The following FKBP3 variants were observed in gnomAD, a reference collection of about 807,000 sequenced individuals.
FKBP3 encodes peptidyl-prolyl cis-trans isomerase FKBP3.
FKBP3 carries 21 observed loss-of-function variants against 30.6 expected under a neutral mutation model. The ratio of observed to expected loss-of-function variants is 0.69; its 90% CI spans 0.49 to 0.99. FKBP3 has a LOEUF of 0.99. FKBP3 is among the 50% of genes least tolerant of loss of function. The pLI is 0.00. For missense variants in FKBP3, 283 were observed against 261.6 expected, an observed-to-expected ratio of 1.08 and a Z score of -0.56; for synonymous variants, 82 against 91.3, an observed-to-expected ratio of 0.90 and a Z score of 0.58.
chr14:45,121,677 A>G, intron 3 of FKBP3, 57 bp from the exon 4 acceptor site: 2 of 1,565,162 alleles, frequency 1.3e-6, no homozygotes, highest in Non-Finnish European at 1.7e-6. Context: ...CCTTTAAAAG[A>G]ATGACAAACA....
chr14:45,121,083 T>C, intron 4 of FKBP3, 129 bp from the exon 5 acceptor site: 1 of 765,428 alleles, frequency 1.3e-6, no homozygotes, highest in Non-Finnish European at 2.1e-6. Flanking sequence ...TACTATGTAT[T>C]TTAAAAGAAG....
chr14:45,120,953 A>G lies in FKBP3; in HGVS notation c.456T>C (p.Ser152=). The change falls in exon 5 of 7, where the codon AGT becomes AGC. Residue 152 remains serine (S), a splice_region_variant and synonymous_variant. Transcript: ENST00000396062. ...GTVFDTNIQT[S]AKKKKNAKPL... ...GCTTGGCATTTTTCTTCTTCTTTGC[A>G]CCTGTAAAACAGATTTTCCTTATCA... 6.2e-7 allele frequency: 1 copy of G among 1,611,968 alleles called. No individual in the cohort carries two copies. Among genetic ancestry groups the G allele is most frequent in the Non-Finnish European group, 8.5e-7 (1 of 1,178,866 alleles).
At position 45,134,393 on chromosome 14, in the gene FKBP3, TG is replaced by T; in HGVS notation, c.63del (p.Lys22ArgfsTer23). Reference protein sequence around the residue: ...TVEQLRSEQLPKKDIIKFLQE... With the variant: ...TVEQLRSEQLXKKDIIKFLQE... ...TGCAGAAACTTGATAATGTCCTTCTTGGGCAGCTGCTCACTGCGCAGCTGCT... is the reference window on the plus strand; with the variant it reads ...TGCAGAAACTTGATAATGTCCTTCTTGGCAGCTGCTCACTGCGCAGCTGCT... On this transcript the variant is annotated frameshift_variant, in exon 1 of 7. Coordinates refer to ENST00000396062, the MANE Select transcript of FKBP3 (RefSeq NM_002013.4). LOFTEE classifies it high-confidence loss of function. 1 of 1,613,908 alleles carries T rather than the reference TG, an allele frequency of 6.2e-7. No individual in the cohort carries two copies.
intron 3 of FKBP3, among the ~76,000 whole-genome samples, chr14:45,126,895 A>G (rs1333616090): frequency 6.6e-6 from 1 of 151,926 alleles, no homozygotes; most frequent in Non-Finnish European, 1.5e-5. Context: ...GGCTCCCTGC[A>G]ACCTCTGCCT....
At chr14:45,120,062 TTGTC>T (rs1884950401) in intron 5 of FKBP3, among the ~76,000 whole-genome samples, 2 of 152,180 alleles carry the variant, frequency 1.3e-5, no homozygotes, top group African/African-American at 2.4e-5. Context: ...CTGTATATGA[TTGTC>T]TGAACCATAT....
intron 5 of FKBP3, 152 bp from the exon 6 acceptor site, chr14:45,118,277 C>A: frequency 2.0e-6 from 1 of 511,646 alleles, no homozygotes; most frequent in Non-Finnish European, 3.4e-6. Context: ...TCAGTGAGTC[C>A]CTAAATCTTT....
intron 3 of FKBP3, among the ~76,000 whole-genome samples, chr14:45,128,437 G>A (rs546432562): frequency 6.6e-6 from 1 of 152,206 alleles, no homozygotes; most frequent in Non-Finnish European, 1.5e-5. Context: ...ATGGAGAACT[G>A]GGCAAAGGAT....
chr14:45,132,878 CTG>C (rs1342645054), intron 1 of FKBP3, among the ~76,000 whole-genome samples: 1 of 152,140 alleles, frequency 6.6e-6, no homozygotes, highest in Non-Finnish European at 1.5e-5. Context: ...AAGTACATGA[CTG>C]AGGTATTATT....
rs558740047 is a variant in FKBP3, at chr14:45,124,354, A to T, written c.319-2734T>A. ...GGGACCAACCTGGCCAACATGGTGA[A>T]ACCCTCATCTCTACTAAAAATACAA... On this transcript the variant is annotated intron_variant, in intron 3 of 6. Coordinates refer to ENST00000396062, the MANE Select transcript of FKBP3 (RefSeq NM_002013.4). 4.6e-5 allele frequency among the ~76,000 whole-genome samples: 7 copies of T among 152,206 alleles called. 1 individual carries two copies. The South Asian group carries it at 1.5e-3, about 32-fold the overall frequency.
chr14:45,118,256 G>A lies in FKBP3; in HGVS notation c.523-131C>T. The A allele has an allele frequency of 5.4e-6, 3 of 558,958 alleles. 1 individual carries two copies. In the South Asian group the frequency reaches 7.4e-5, roughly 14 times the overall value. 34.6% of individuals were successfully genotyped at this position (558,958 alleles called of 1,614,324 possible). A position where few individuals can be genotyped will look rare whatever the true frequency, so the allele number is the denominator to read the frequency against. On this transcript the variant is annotated intron_variant, in intron 5 of 6. Coordinates refer to ENST00000396062, the MANE Select transcript of FKBP3 (RefSeq NM_002013.4). Reference sequence around the variant, plus strand: ...TACTATAGATTTCACTATATTCTAAGATAATGTACTTCAGTGAGTCCCTAA... The same window carrying A: ...TACTATAGATTTCACTATATTCTAAAATAATGTACTTCAGTGAGTCCCTAA...
At chr14:45,120,338 A>C (rs1884957777) in intron 5 of FKBP3, among the ~76,000 whole-genome samples, 1 of 152,084 alleles carries the variant, frequency 6.6e-6, no homozygotes, top group Non-Finnish European at 1.5e-5. Flanking sequence ...TCTTTCTGTT[A>C]TCTCTCACAT....
At chr14:45,130,492 C>G (rs1207218378) in intron 2 of FKBP3, among the ~76,000 whole-genome samples, 1 of 152,172 alleles carries the variant, frequency 6.6e-6, no homozygotes, top group African/African-American at 2.4e-5. Context: ...CTACAAAATC[C>G]AGACCCTTTG....
At chr14:45,120,859 T>C in intron 5 of FKBP3, 28 bp downstream of exon 5, 1 of 1,561,864 alleles carries the variant, frequency 6.4e-7, no homozygotes, top group Non-Finnish European at 8.8e-7. Context: ...CCAGAATATC[T>C]ACTGATTCAT....
chr14:45,124,556 T>TA (rs551268818), intron 3 of FKBP3, among the ~76,000 whole-genome samples: 6,788 of 149,850 alleles, frequency 0.045, 482 homozygotes, highest in African/African-American at 0.15. Context: ...TATATATATA[T>TA]TTTTTTTTCT....
chr14:45,127,547 ATTC>A (rs555189341), intron 3 of FKBP3, among the ~76,000 whole-genome samples: 116 of 152,338 alleles, frequency 7.6e-4, no homozygotes, highest in Middle Eastern at 3.4e-3. Context: ...GATATTTTAC[ATTC>A]TTTTTTAAAA....
rs1335717737 is a variant in FKBP3, at chr14:45,129,808, C to G, written c.304G>C (p.Glu102Gln). ...TATATACAGACCTCATCCAGGGTCT[C>G]TTCAGACTTGGTTTCTTTGGGTTTA... ...EDKPKETKSEETLDEGPPKYT... is the reference protein window; with the variant it reads ...EDKPKETKSEQTLDEGPPKYT... The change falls in exon 3 of 7, where the codon GAG (glutamate) becomes CAG (glutamine). Residue 102 changes from glutamate (E) to glutamine (Q), a missense_variant. Coordinates refer to ENST00000396062, the MANE Select transcript of FKBP3 (RefSeq NM_002013.4). 1.2e-6 allele frequency: 2 copies of G among 1,609,258 alleles called. No individual in the cohort carries two copies. Among genetic ancestry groups the G allele is most frequent in the South Asian group, 2.2e-5 (2 of 90,810 alleles).
intron 3 of FKBP3, among the ~76,000 whole-genome samples, chr14:45,126,170 C>T (rs190791889): frequency 0.01 from 1,571 of 150,538 alleles, 34 homozygotes; most frequent in African/African-American, 0.036. Flanking sequence ...GGATAATAGG[C>T]GTGAGCCACT....
intron 3 of FKBP3, among the ~76,000 whole-genome samples, chr14:45,127,264 C>T (rs951829480): frequency 6.6e-6 from 1 of 151,802 alleles, no homozygotes; most frequent in African/African-American, 2.4e-5. Context: ...CAGGTGTGCA[C>T]CACCACATCT....
At chr14:45,123,141 C>T (rs1325568554) in intron 3 of FKBP3, among the ~76,000 whole-genome samples, 1 of 148,816 alleles carries the variant, frequency 6.7e-6, no homozygotes, top group African/African-American at 2.5e-5. Context: ...TGCAGTGAGC[C>T]AAGATGGCAC....
Sources: allele counts gnomAD v4.1 joint callset (sites outside exome capture counted in the v4.1 genomes callset), GRCh38; gene constraint gnomAD v4.1.1; transcripts MANE v1.5; gene names NCBI Gene and HGNC (gene_info 2026-07-23, HGNC 2026-07-21).